The following GCSAML variants were observed in gnomAD, a reference collection of about 807,000 sequenced individuals.
The protein encoded by GCSAML is germinal center associated signaling and motility like.
Under a neutral mutation model 13.0 loss-of-function variants are expected in GCSAML, and 9 were observed. The observed-to-expected ratio is 0.69, with a 90% CI of 0.42 to 1.21. GCSAML has a LOEUF of 1.21. GCSAML is among the 50% of genes most tolerant of loss of function. The pLI is 0.00. For synonymous variants in GCSAML, 37 were observed against 52.9 expected, an observed-to-expected ratio of 0.70 and a Z score of 1.31; for missense variants, 143 against 153.4, an observed-to-expected ratio of 0.93 and a Z score of 0.36.
At chr1:247,515,095 T>C (rs1224125633) in intron 1 of GCSAML, among the ~76,000 whole-genome samples, 2 of 152,212 alleles carry the variant, frequency 1.3e-5, no homozygotes, top group African/African-American at 2.4e-5. Flanking sequence ...TCCATGAGCA[T>C]GGGATGTGTT....
chr1:247,531,648 TG>T, intron 2 of GCSAML: 7 of 1,614,126 alleles, frequency 4.3e-6, no homozygotes, highest in Non-Finnish European at 5.1e-6. Flanking sequence ...TGTAAATAAG[TG>T]GGTTCAGCGC....
intron 1 of GCSAML, among the ~76,000 whole-genome samples, chr1:247,513,031 T>G (rs1246880825): frequency 6.6e-6 from 1 of 152,158 alleles, no homozygotes; most frequent in Admixed American, 6.5e-5. Context: ...TAGCAGAGCT[T>G]GAGCGCTGTG....
At chr1:247,540,253 G>A (rs919963383) in intron 2 of GCSAML, among the ~76,000 whole-genome samples, 5 of 152,080 alleles carry the variant, frequency 3.3e-5, no homozygotes, top group Admixed American at 1.3e-4. Context: ...GGCTGGTCTC[G>A]AACTCCTGAC....
intron 1 of GCSAML, among the ~76,000 whole-genome samples, chr1:247,550,553 C>T (rs549380728): frequency 6.6e-5 from 10 of 152,180 alleles, no homozygotes; most frequent in South Asian, 2.1e-4. Context: ...AGGAGAATGG[C>T]GTGAACCCGG....
chr1:247,531,560 C>G (rs752971170), intron 2 of GCSAML: 7 of 1,613,240 alleles, frequency 4.3e-6, no homozygotes, highest in Non-Finnish European at 5.9e-6. Context: ...TAAATTTGCG[C>G]CAGCTTGCCT....
At chr1:247,519,125 CA>C (rs1666329217) in intron 1 of GCSAML, 1 of 152,292 alleles carries the variant, frequency 6.6e-6, no homozygotes, top group Non-Finnish European at 1.5e-5. Flanking sequence ...GTGAATGGAG[CA>C]AGGCGTTCTC....
intron 2 of GCSAML, chr1:247,532,063 C>T (rs1388255994): frequency 3.1e-6 from 5 of 1,614,084 alleles, no homozygotes; most frequent in Non-Finnish European, 4.2e-6. Flanking sequence ...ACCCCCCAGC[C>T]AGGAGGCCAA....
chr1:247,556,188 G>A (rs1421019200), intron 1 of GCSAML, among the ~76,000 whole-genome samples: 1 of 152,146 alleles, frequency 6.6e-6, no homozygotes, highest in Non-Finnish European at 1.5e-5. Flanking sequence ...AGAATCAAAA[G>A]TCAGACTATG....
rs1305831141 is a variant in GCSAML at position 247,549,164 on chromosome 1, A to G, written c.-28A>G. 2 of 1,614,102 alleles carry G rather than the reference A, an allele frequency of 1.2e-6. No homozygotes were observed. Among genetic ancestry groups the G allele is most frequent in the South Asian group, 1.1e-5 (1 of 91,074 alleles). The stretch of plus-strand genomic sequence containing the variant: ...TTCCCCAAGTGGAGTGAAACTCAGG[A>G]GCTGAGAAACCGAGTCACTGTGAAA... On this transcript the variant is annotated 5_prime_UTR_variant, in exon 1 of 5. Transcript: ENST00000366488.
At chr1:247,514,280 G>A (rs1666141053) in intron 1 of GCSAML, among the ~76,000 whole-genome samples, 1 of 152,064 alleles carries the variant, frequency 6.6e-6, no homozygotes, top group Non-Finnish European at 1.5e-5. Flanking sequence ...CTCCCAGCCT[G>A]GAAATCTTCT....
At position 247,575,590 on chromosome 1, in the gene GCSAML, C is replaced by CT. The variant is rs1294465131; in HGVS notation, c.*1212dup. On this transcript the variant is annotated 3_prime_UTR_variant, in exon 5 of 5. Coordinates refer to ENST00000366488, the MANE Select transcript of GCSAML (RefSeq NM_145278.5). Reference sequence around the variant, plus strand: ...AAAAATTAATAGTTTTTGACATTGGCTTTTCTGAGAAGAGAAATTGAAAGT... The same window carrying CT: ...AAAAATTAATAGTTTTTGACATTGGCTTTTTCTGAGAAGAGAAATTGAAAGT... 2.6e-5 allele frequency: 4 copies of CT among 152,024 alleles called. No individual in the cohort carries two copies. The highest frequency in any genetic ancestry group is 9.7e-5 in the African/African-American group (4 of 41,374). The allele number at this position is 152,024 out of a possible 1,614,324, so 9.4% of individuals were successfully genotyped here.
At position 247,549,138 on chromosome 1, in the gene GCSAML, C is replaced by T. The variant is rs759298656; in HGVS notation, c.-54C>T. The T allele has an allele frequency of 2.4e-5, 39 of 1,613,960 alleles. No homozygotes were observed. In the Admixed American group the frequency reaches 6.3e-4, roughly 26 times the overall value. Reference sequence around the variant, plus strand: ...TTTCCTCTTGGTGCTTTGGTCAGAACTTCCCCAAGTGGAGTGAAACTCAGG... The same window carrying T: ...TTTCCTCTTGGTGCTTTGGTCAGAATTTCCCCAAGTGGAGTGAAACTCAGG... On this transcript the variant is annotated 5_prime_UTR_variant, in exon 1 of 5. Coordinates refer to ENST00000366488, the MANE Select transcript of GCSAML (RefSeq NM_145278.5).
chr1:247,516,900 G>A (rs192219756), intron 1 of GCSAML, among the ~76,000 whole-genome samples: 6 of 152,206 alleles, frequency 3.9e-5, no homozygotes, highest in East Asian at 1.9e-4. Context: ...TGTTCCCAGC[G>A]CAGATACTTG....
At chr1:247,529,693 C>T (rs1455090405) in intron 2 of GCSAML, 9 of 145,416 alleles carry the variant, frequency 6.2e-5, no homozygotes, top group Non-Finnish European at 1.3e-4. Context: ...TGTTCAAACA[C>T]AAGCCTCGGT....
At chr1:247,510,763 T>C (rs1167187046) in intron 1 of GCSAML, among the ~76,000 whole-genome samples, 1 of 152,222 alleles carries the variant, frequency 6.6e-6, no homozygotes, top group Non-Finnish European at 1.5e-5. Context: ...TACCCAGTAG[T>C]CATTCAGGAG....
rs556651861 is a variant in GCSAML, at chr1:247,576,895, A to G, written c.*2513A>G. ...GATATAAATACCTTATTTGTAATAAAATTAATTTTAATTTGAGTAACAATC... is the reference window on the plus strand; with the variant it reads ...GATATAAATACCTTATTTGTAATAAGATTAATTTTAATTTGAGTAACAATC... On this transcript the variant is annotated 3_prime_UTR_variant, in exon 5 of 5. Transcript: ENST00000366488. 1 of 152,314 alleles carries G rather than the reference A, an allele frequency of 6.6e-6. No homozygotes were observed. The highest frequency in any genetic ancestry group is 1.9e-4 in the East Asian group (1 of 5,186). 9.4% of individuals were successfully genotyped at this position (152,314 alleles called of 1,614,324 possible). A position where few individuals can be genotyped will look rare whatever the true frequency, so the allele number is the denominator to read the frequency against.
At chr1:247,518,783 G>T (rs1315379835) in intron 1 of GCSAML, among the ~76,000 whole-genome samples, 1 of 152,230 alleles carries the variant, frequency 6.6e-6, no homozygotes, top group African/African-American at 2.4e-5. Context: ...GAGCTCAACA[G>T]TTCCAGACCA....
chr1:247,520,616 A>G (rs1172185610), intron 1 of GCSAML, among the ~76,000 whole-genome samples: 1 of 152,248 alleles, frequency 6.6e-6, no homozygotes, highest in Non-Finnish European at 1.5e-5. Context: ...CAGAAGTTAT[A>G]TAAAATAAAG....
chr1:247,509,746 T>C lies in GCSAML; in HGVS notation c.-263+2513T>C, dbSNP rs899075113. Among the ~76,000 whole-genome samples the C allele has an allele frequency of 4.6e-5, 7 of 152,206 alleles. No individual in the cohort carries two copies. The East Asian group carries it at 1.3e-3, about 29-fold the overall frequency. On this transcript the variant is annotated intron_variant, in intron 1 of 5. Transcript: ENST00000366489. ...AATTTTATTGAAGGCCTTTTCTACA[T>C]CTATTTAGATAATCATGTGGTTTTT...
Sources: allele counts gnomAD v4.1 joint callset (sites outside exome capture counted in the v4.1 genomes callset), GRCh38; gene constraint gnomAD v4.1.1; transcripts MANE v1.5; gene names NCBI Gene and HGNC (gene_info 2026-07-23, HGNC 2026-07-21).